The following DIS3L variants were observed in gnomAD, a reference collection of about 807,000 sequenced individuals.
DIS3L encodes DIS3-like exonuclease 1.
DIS3L carries 100 observed loss-of-function variants against 120.3 expected under a neutral mutation model. The ratio of observed to expected loss-of-function variants is 0.83; its 90% CI spans 0.71 to 0.98. DIS3L has a LOEUF of 0.98. DIS3L is among the 50% of genes least tolerant of loss of function. DIS3L has a pLI of 0.00. For synonymous variants in DIS3L, 426 were observed against 470.6 expected, an observed-to-expected ratio of 0.91 and a Z score of 1.23; for missense variants, 1,196 against 1,314.2, an observed-to-expected ratio of 0.91 and a Z score of 1.39.
chr15:66,304,020 G>A (rs2092675550), intron 2 of DIS3L, among the ~76,000 whole-genome samples: 1 of 148,308 alleles, frequency 6.7e-6, no homozygotes, highest in Non-Finnish European at 1.5e-5. Context: ...AACCCGGGAG[G>A]TGGAGCTTGC....
In DIS3L at chr15:66,320,606, G is replaced by A. The variant is rs757379106; in HGVS notation, c.1200G>A (p.Glu400=). The A allele has an allele frequency of 3.1e-6, 5 of 1,613,794 alleles. No homozygotes were observed. The highest frequency in any genetic ancestry group is 4.2e-6 in the Non-Finnish European group (5 of 1,179,896). Residue 400 remains glutamate, a synonymous_variant, in exon 9 of 17, where the codon GAG becomes GAA. Coordinates refer to ENST00000319212, the MANE Select transcript of DIS3L (RefSeq NM_001143688.3). Reference sequence around the variant, plus strand: ...TGGTCGTGCGCATCGATTCCTGGGAGTCAACATCTGTGTATCCAAATGGAC... The same window carrying A: ...TGGTCGTGCGCATCGATTCCTGGGAATCAACATCTGTGTATCCAAATGGAC... ...FRVVVRIDSW[E]STSVYPNGHF... is the part of the protein sequence containing the mutation.
intron 14 of DIS3L, chr15:66,330,714 A>T (rs2092990655): frequency 5.4e-6 from 1 of 185,668 alleles, no homozygotes; most frequent in Non-Finnish European, 1.0e-5. Flanking sequence ...CATTTCTATC[A>T]TTGCAGAAAG....
chr15:66,309,074 C>A (rs1293832296), intron 4 of DIS3L, among the ~76,000 whole-genome samples: 2 of 2,748 alleles, frequency 7.3e-4, no homozygotes, highest in Non-Finnish European at 2.0e-3. Context: ...GAGACCTTGT[C>A]TCTACAGAAA....
At chr15:66,309,567 C>G (rs771308057) in intron 4 of DIS3L, among the ~76,000 whole-genome samples, 17 of 152,094 alleles carry the variant, frequency 1.1e-4, no homozygotes, top group Non-Finnish European at 2.2e-4. Flanking sequence ...ATTCTTGCAA[C>G]AACCCTATGA....
Position 66,320,481 on chromosome 15 carries a change from G to T in DIS3L, c.1165-90G>T, listed in dbSNP as rs960642281. ...ACCTGGCCACTCTCCTTGGAACCCA[G>T]TATTGTTTGCCTCTTGTTTGTTTGA... is the stretch of plus-strand genomic sequence containing the variant. On this transcript the variant is annotated intron_variant, in intron 8 of 16. Coordinates refer to ENST00000319212, the MANE Select transcript of DIS3L (RefSeq NM_001143688.3). The T allele has an allele frequency of 4.9e-6, 7 of 1,430,550 alleles. No homozygotes were observed. The African/African-American group carries it at 5.8e-5, about 12-fold the overall frequency. 88.6% of individuals were successfully genotyped at this position (1,430,550 alleles called of 1,614,324 possible).
At chr15:66,311,206 TAAA>T (rs2092757633) in intron 4 of DIS3L, among the ~76,000 whole-genome samples, 1 of 151,284 alleles carries the variant, frequency 6.6e-6, no homozygotes. Context: ...CTACAAAAAA[TAAA>T]AAAATTAGCC....
At chr15:66,315,754 C>G (rs970273321) in intron 7 of DIS3L, among the ~76,000 whole-genome samples, 1 of 152,198 alleles carries the variant, frequency 6.6e-6, no homozygotes, top group African/African-American at 2.4e-5. Flanking sequence ...ACTCCACGTT[C>G]TCTCTTCCTC....
chr15:66,315,272 C>T (rs772971039), intron 7 of DIS3L, 57 bp downstream of exon 7: 65 of 1,511,630 alleles, frequency 4.3e-5, no homozygotes, highest in Admixed American at 1.2e-4. Context: ...TTATATTTGT[C>T]TCCTCTTTAG....
At chr15:66,300,597 C>T (rs1003407923) in intron 2 of DIS3L, among the ~76,000 whole-genome samples, 104 of 152,112 alleles carry the variant, frequency 6.8e-4, no homozygotes, top group Non-Finnish European at 1.6e-4. Context: ...ATCTCTAGAA[C>T]TAGTGATAGA....
chr15:66,325,770 A>G (rs751328429), intron 11 of DIS3L, 61 bp from the exon 12 acceptor site: 7 of 1,534,088 alleles, frequency 4.6e-6, no homozygotes, highest in Non-Finnish European at 6.1e-6. Context: ...CAAAAAAACA[A>G]AAAACAAAAA....
chr15:66,315,091 T>C lies in DIS3L; in HGVS notation c.870T>C (p.His290=). ...HGMKARNRSI[H]GDVVVVELLP... ...TGAAGGCTCGAAACCGCTCAATTCA[T>C]GGAGATGTGGTAGTTGTGGAGCTGC... The change falls in exon 7 of 17, where the codon CAT becomes CAC. Residue 290 remains histidine, a synonymous_variant. Coordinates refer to ENST00000319212, the MANE Select transcript of DIS3L (RefSeq NM_001143688.3). The C allele has an allele frequency of 2.5e-6, 4 of 1,613,640 alleles. No homozygotes were observed. The highest frequency in any genetic ancestry group is 2.2e-5 in the East Asian group (1 of 44,864).
In DIS3L at chr15:66,319,565, T is replaced by C. The variant is rs138739575; in HGVS notation, c.1164+947T>C. Among the ~76,000 whole-genome samples, 7 of 152,320 alleles carry C rather than the reference T, an allele frequency of 4.6e-5. No individual in the cohort carries two copies. The South Asian group carries it at 1.2e-3, about 27-fold the overall frequency. ...AAACAAGAAGGTTAGAAATTAACCT[T>C]TACTTGTGTCAAAAAGTATGGGCAT... On this transcript the variant is annotated intron_variant, in intron 8 of 16. Coordinates refer to ENST00000319212, the MANE Select transcript of DIS3L (RefSeq NM_001143688.3).
At chr15:66,314,647 C>T (rs947558202) in intron 6 of DIS3L, among the ~76,000 whole-genome samples, 5 of 152,200 alleles carry the variant, frequency 3.3e-5, no homozygotes, top group Admixed American at 1.3e-4. Flanking sequence ...TTCCCCCTGT[C>T]GGTTCTGCCC....
chr15:66,326,182 G>A lies in DIS3L; in HGVS notation c.2019G>A (p.Gln673=), dbSNP rs1224111510. ...ACATTCACGACCTCATCCCCAAGCAGCCCCTGGAAGTCCACGAGACAGTGG... is the reference window on the plus strand; with the variant it reads ...ACATTCACGACCTCATCCCCAAGCAACCCCTGGAAGTCCACGAGACAGTGG... ...KKNIHDLIPK[Q]PLEVHETVAE... Residue 673 remains glutamine (Q), a synonymous_variant, in exon 12 of 17, where the codon CAG becomes CAA. Coordinates refer to ENST00000319212, the MANE Select transcript of DIS3L (RefSeq NM_001143688.3). 1.2e-6 allele frequency: 2 copies of A among 1,614,206 alleles called. No individual in the cohort carries two copies. Among genetic ancestry groups the A allele is most frequent in the South Asian group, 2.2e-5 (2 of 91,078 alleles).
chr15:66,294,938 C>T, intron 1 of DIS3L, 50 bp from the exon 2 acceptor site: 1 of 1,519,106 alleles, frequency 6.6e-7, no homozygotes, highest in Non-Finnish European at 8.9e-7. Context: ...TTTAAATAAA[C>T]CAGGTTTGAA....
rs1345911838 is a variant in DIS3L, at chr15:66,333,276, A to G, written c.3129A>G (p.Leu1043=). ...LYTLLEEIRD[L]ALLDVSNNYG... is the part of the protein sequence containing the mutation. The stretch of plus-strand genomic sequence containing the variant: ...CACTTCTAGAGGAGATACGGGACCT[A>G]GCTCTCCTGGATGTTTCAAACAATT... The change falls in exon 17 of 17, where the codon CTA becomes CTG. Residue 1043 remains leucine (L), a synonymous_variant. Coordinates refer to ENST00000319212, the MANE Select transcript of DIS3L (RefSeq NM_001143688.3). The G allele has an allele frequency of 6.2e-7, 1 of 1,610,600 alleles. No individual in the cohort carries two copies. The highest frequency in any genetic ancestry group is 1.1e-5 in the South Asian group (1 of 90,074).
chr15:66,308,950 T>A, intron 4 of DIS3L, 106 bp downstream of exon 4: 3 of 1,366,878 alleles, frequency 2.2e-6, no homozygotes, highest in Non-Finnish European at 2.9e-6. Flanking sequence ...GAATAGACAT[T>A]AAGTTCCATT....
chr15:66,294,071 C>G, intron 1 of DIS3L: 5 of 986,354 alleles, frequency 5.1e-6, no homozygotes, highest in Non-Finnish European at 6.0e-6. Flanking sequence ...CCGCCGCAAC[C>G]TCGCGCCGTG....
At position 66,294,911 on chromosome 15, in the gene DIS3L, G is replaced by T. The variant is rs993764059; in HGVS notation, c.140-77G>T. 4 of 1,400,878 alleles carry T rather than the reference G, an allele frequency of 2.9e-6. No individual in the cohort carries two copies. In the Admixed American group the frequency reaches 7.0e-5, roughly 24 times the overall value. 86.8% of individuals were successfully genotyped at this position (1,400,878 alleles called of 1,614,324 possible). On this transcript the variant is annotated intron_variant, in intron 1 of 16. Coordinates refer to ENST00000319212, the MANE Select transcript of DIS3L (RefSeq NM_001143688.3). ...GTTAAGACTGGAAGTTATTTTGCATGCCAGAGCACCGTGACATTTAAATAA... is the reference window on the plus strand; with the variant it reads ...GTTAAGACTGGAAGTTATTTTGCATTCCAGAGCACCGTGACATTTAAATAA...
Sources: allele counts gnomAD v4.1 joint callset (sites outside exome capture counted in the v4.1 genomes callset), GRCh38; gene constraint gnomAD v4.1.1; transcripts MANE v1.5; gene names NCBI Gene and HGNC (gene_info 2026-07-23, HGNC 2026-07-21).